GALNT17: variants seen among roughly 807,000 people sequenced by gnomAD.
GALNT17 encodes the protein UDP-GalNAc:polypeptide N-acetylgalactosaminyltransferase-like 3.
Under a neutral mutation model 63.7 loss-of-function variants are expected in GALNT17, and 29 were observed. That is an observed-to-expected ratio of 0.46 (90% CI 0.34 to 0.62). GALNT17 has a LOEUF of 0.62. GALNT17 is among the 20% of genes least tolerant of loss of function. The pLI is 0.01. For missense variants in GALNT17, 603 were observed against 799.6 expected (o/e 0.75, Z 2.97); for synonymous variants, 305 against 318.3 (o/e 0.96, Z 0.45).
intron 1 of GALNT17, among the ~76,000 whole-genome samples, chr7:71,252,370 T>TA (rs1204516194): frequency 6.6e-6 from 1 of 151,708 alleles, no homozygotes; most frequent in African/African-American, 2.4e-5. Flanking sequence ...ACTAAAAATA[T>TA]AAAAATTACC....
At chr7:71,344,937 T>G (rs1792064090) in intron 2 of GALNT17, among the ~76,000 whole-genome samples, 4 of 152,132 alleles carry the variant, frequency 2.6e-5, no homozygotes, top group Admixed American at 2.6e-4. Flanking sequence ...GAGAGAATGC[T>G]GTAGGGGTTC....
intron 1 of GALNT17, chr7:71,284,089 C>G (rs1790826998): frequency 6.6e-6 from 1 of 152,180 alleles, no homozygotes; most frequent in Non-Finnish European, 1.5e-5. Flanking sequence ...GCTGTGGAAG[C>G]TTTGTTTTTT....
At chr7:71,261,319 G>A (rs1028928931) in intron 1 of GALNT17, among the ~76,000 whole-genome samples, 4 of 152,128 alleles carry the variant, frequency 2.6e-5, no homozygotes, top group South Asian at 2.1e-4. Context: ...TGCCAGGCAG[G>A]TGCTTGAGGA....
chr7:71,668,213 G>T (rs1033277035), intron 7 of GALNT17, among the ~76,000 whole-genome samples: 2 of 151,954 alleles, frequency 1.3e-5, no homozygotes, highest in African/African-American at 2.4e-5. Context: ...CCAAATGCCA[G>T]TGGTAACCTA....
intron 1 of GALNT17, among the ~76,000 whole-genome samples, chr7:71,193,446 G>A (rs1413687465): frequency 1.5e-5 from 2 of 132,848 alleles, no homozygotes; most frequent in Non-Finnish European, 3.1e-5. Flanking sequence ...ACACTGATAC[G>A]CTTTTGTCTT....
intron 6 of GALNT17, among the ~76,000 whole-genome samples, chr7:71,626,240 C>A (rs1173477513): frequency 3.7e-4 from 51 of 136,620 alleles, no homozygotes; most frequent in African/African-American, 4.2e-4. Context: ...AAGATTCTGT[C>A]AAAAAAAAAA....
chr7:71,306,855 G>A (rs760767541), intron 1 of GALNT17, among the ~76,000 whole-genome samples: 1 of 151,918 alleles, frequency 6.6e-6, no homozygotes, highest in Non-Finnish European at 1.5e-5. Context: ...ACAGAGTCTC[G>A]CTCTGTTGCC....
chr7:71,665,631 AC>A, intron 7 of GALNT17, 35 bp downstream of exon 7: 1 of 1,589,142 alleles, frequency 6.3e-7, no homozygotes, highest in Non-Finnish European at 8.5e-7. Context: ...CCACCCCAGT[AC>A]AGTGATCCTT....
At chr7:71,427,971 C>T (rs1297815881) in intron 5 of GALNT17, among the ~76,000 whole-genome samples, 2 of 152,174 alleles carry the variant, frequency 1.3e-5, no homozygotes, top group Admixed American at 1.3e-4. Context: ...CCACCCACCA[C>T]CCTTGTCCAT....
At chr7:71,695,521 C>G (rs1248799552) in intron 9 of GALNT17, among the ~76,000 whole-genome samples, 1 of 152,102 alleles carries the variant, frequency 6.6e-6, no homozygotes, top group Admixed American at 6.6e-5. Flanking sequence ...TTTAAATCAA[C>G]TATATGGAAG....
chr7:71,704,349 C>T (rs1369917565), intron 9 of GALNT17, among the ~76,000 whole-genome samples: 4 of 152,092 alleles, frequency 2.6e-5, no homozygotes, highest in African/African-American at 7.2e-5. Flanking sequence ...AATGAGAAAA[C>T]ATTATTGAAA....
Position 71,571,358 on chromosome 7 carries a change from G to T in GALNT17, c.1036G>T (p.Gly346Cys). The change falls in exon 6 of 11, where the codon GGC becomes TGC. Residue 346 changes from glycine (G) to cysteine (C), a missense_variant. Around this residue, in one of 3 missense-constraint regions of GALNT17, gnomAD observed 336 missense variants for 507.8 expected, o/e 0.66. Transcript: ENST00000333538. Reference sequence around the variant, plus strand: ...CGGTGAAATTGGTCTTCTGGATCCTGGCATGGATGTATACGGAGGAGAAAA... The same window carrying T: ...CGGTGAAATTGGTCTTCTGGATCCTTGCATGGATGTATACGGAGGAGAAAA... The part of the protein sequence containing the change: ...FFGEIGLLDP[G>C]MDVYGGENIE... 5.6e-6 allele frequency: 9 copies of T among 1,614,078 alleles called. No homozygotes were observed. The highest frequency in any genetic ancestry group is 7.6e-6 in the Non-Finnish European group (9 of 1,179,970).
At chr7:71,171,413 A>T (rs1411387193) in intron 1 of GALNT17, among the ~76,000 whole-genome samples, 1 of 152,196 alleles carries the variant, frequency 6.6e-6, no homozygotes, top group African/African-American at 2.4e-5. Flanking sequence ...AGGCGGGAAG[A>T]TGGCTTGAGC....
chr7:71,685,216 C>T (rs373127936), intron 9 of GALNT17, among the ~76,000 whole-genome samples: 4 of 152,160 alleles, frequency 2.6e-5, no homozygotes, highest in Admixed American at 6.6e-5. Context: ...GCTGGAATCA[C>T]GAGGCACATT....
chr7:71,662,680 T>A (rs1383842080), intron 6 of GALNT17, among the ~76,000 whole-genome samples: 1 of 152,224 alleles, frequency 6.6e-6, no homozygotes. Context: ...TCCAGGTTCA[T>A]CCATGTTGTA....
intron 6 of GALNT17, among the ~76,000 whole-genome samples, chr7:71,643,959 G>T (rs1387885524): frequency 6.6e-6 from 1 of 152,176 alleles, no homozygotes; most frequent in Non-Finnish European, 1.5e-5. Context: ...ACAATCTCCA[G>T]GTGCGATATC....
chr7:71,576,272 G>A (rs576102733), intron 6 of GALNT17, among the ~76,000 whole-genome samples: 3 of 152,256 alleles, frequency 2.0e-5, no homozygotes, highest in East Asian at 1.9e-4. Flanking sequence ...ACTTTATCAC[G>A]AATCCCAAGG....
At chr7:71,570,699 G>C (rs1318782598) in intron 5 of GALNT17, among the ~76,000 whole-genome samples, 1 of 152,130 alleles carries the variant, frequency 6.6e-6, no homozygotes, top group Non-Finnish European at 1.5e-5. Flanking sequence ...AGCCTCACAG[G>C]CTGGGCATGG....
intron 8 of GALNT17, among the ~76,000 whole-genome samples, 195 bp downstream of exon 8, chr7:71,670,304 T>C (rs1791050080): frequency 6.6e-6 from 1 of 152,184 alleles, no homozygotes; most frequent in African/African-American, 2.4e-5. Context: ...CAATGGACTA[T>C]GGATAAAAGA....
Sources: allele counts gnomAD v4.1 joint callset (sites outside exome capture counted in the v4.1 genomes callset), GRCh38; gene constraint gnomAD v4.1.1; regional missense constraint gnomAD v4.1.1; transcripts MANE v1.5; gene names NCBI Gene and HGNC (gene_info 2026-07-23, HGNC 2026-07-21).